The following WARS2 variants were observed in gnomAD, a reference collection of about 807,000 sequenced individuals.
The protein encoded by WARS2 is tryptophan--tRNA ligase, mitochondrial.
In WARS2, 28 loss-of-function variants were observed where a neutral mutation model predicts 36.5. The observed-to-expected ratio is 0.77, with a 90% CI of 0.57 to 1.05. The LOEUF is 1.05. WARS2 is among the 50% of genes least tolerant of loss of function. The pLI is 0.00. For missense variants in WARS2, 435 were observed against 456.8 expected, an observed-to-expected ratio of 0.95 and a Z score of 0.44; for synonymous variants, 174 against 178.4, an observed-to-expected ratio of 0.98 and a Z score of 0.20.
At chr1:119,069,303 A>T (rs1315379307) in intron 2 of WARS2, among the ~76,000 whole-genome samples, 1 of 152,198 alleles carries the variant, frequency 6.6e-6, no homozygotes, top group African/African-American at 2.4e-5. Context: ...GGAGGTGGGT[A>T]TAACTAATGT....
At chr1:119,058,308 T>TC (rs1425005829) in intron 2 of WARS2, among the ~76,000 whole-genome samples, 1 of 7,000 alleles carries the variant, frequency 1.4e-4, no homozygotes, top group Non-Finnish European at 3.9e-4. Flanking sequence ...TCCCTATTTC[T>TC]TTTTTTTTTT....
At chr1:119,084,271 G>T (rs900756109) in intron 1 of WARS2, among the ~76,000 whole-genome samples, 37 of 152,224 alleles carry the variant, frequency 2.4e-4, no homozygotes, top group African/African-American at 8.7e-4. Context: ...CTAGGGATGG[G>T]GAGGAGGGAG....
At chr1:119,041,431 T>G (rs1341166049) in intron 4 of WARS2, among the ~76,000 whole-genome samples, 1 of 152,128 alleles carries the variant, frequency 6.6e-6, no homozygotes, top group African/African-American at 2.4e-5. Flanking sequence ...CAGGTGTATA[T>G]TTTTGAGGAC....
intron 1 of WARS2, among the ~76,000 whole-genome samples, chr1:119,106,860 A>C (rs1170510867): frequency 6.6e-6 from 1 of 152,190 alleles, no homozygotes; most frequent in African/African-American, 2.4e-5. Context: ...GTAAGAGTAT[A>C]TTTAGTTTTG....
At chr1:119,077,032 G>A (rs769602882) in intron 1 of WARS2, among the ~76,000 whole-genome samples, 8 of 151,340 alleles carry the variant, frequency 5.3e-5, no homozygotes, top group Non-Finnish European at 7.4e-5. Context: ...CAGCTACTCC[G>A]GAGGCTGAGG....
Position 119,135,751 on chromosome 1 carries a change from TAGAG to T in WARS2, c.90+4800_90+4803del, listed in dbSNP as rs1553183294. Among the ~76,000 whole-genome samples, 112 of 109,278 alleles carry T rather than the reference TAGAG, an allele frequency of 1.0e-3. No homozygotes were observed. In the Middle Eastern group the frequency reaches 0.014, roughly 13 times the overall value. 71.7% of individuals were successfully genotyped at this position (109,278 alleles called of 152,430 possible). On this transcript the variant is annotated intron_variant, in intron 1 of 5. Coordinates refer to ENST00000235521, the MANE Select transcript of WARS2 (RefSeq NM_015836.4). ...ATAGATAGATAGATAGATAGATAGA[TAGAG>T]AGATAGAGAGAGAGAGAGAGATGGG...
chr1:119,119,657 G>A (rs1015558509), intron 1 of WARS2, among the ~76,000 whole-genome samples: 29 of 151,906 alleles, frequency 1.9e-4, no homozygotes, highest in Non-Finnish European at 3.5e-4. Flanking sequence ...CCATATGATA[G>A]ACCACAAAAC....
At chr1:119,045,499 G>C (rs1648718799) in intron 3 of WARS2, 83 bp downstream of exon 3, 4 of 1,178,472 alleles carry the variant, frequency 3.4e-6, no homozygotes, top group Non-Finnish European at 4.9e-6. Flanking sequence ...CCAGGGAGGA[G>C]AGTAAACTCA....
At chr1:119,082,688 C>T (rs1181633870) in intron 1 of WARS2, 1 of 153,000 alleles carries the variant, frequency 6.5e-6, no homozygotes. Flanking sequence ...GAAAGTGTAC[C>T]ATGGAGATGT....
intron 1 of WARS2, among the ~76,000 whole-genome samples, chr1:119,102,529 T>C (rs1653950232): frequency 1.3e-5 from 2 of 152,364 alleles, no homozygotes; most frequent in Admixed American, 1.3e-4. Flanking sequence ...AGAATATTTC[T>C]GCATCAGGTT....
rs1402877361 is a variant in WARS2 at position 119,033,089 on chromosome 1, T to C, written c.905A>G (p.Tyr302Cys). The change falls in exon 6 of 6, where the codon TAC becomes TGC. Residue 302 changes from tyrosine to cysteine, a missense_variant. By Grantham distance (194) the Tyr-to-Cys change is radical. Coordinates refer to ENST00000235521, the MANE Select transcript of WARS2 (RefSeq NM_015836.4). ...RRSAGMNTAR[Y>C]KLAVADAVIE... ...CACAGCATCTGCCACGGCCAGCTTG[T>C]AGCGAGCAGTGTTCATGCCCGCGCT... 1.9e-6 allele frequency: 3 copies of C among 1,614,130 alleles called. No individual in the cohort carries two copies. Among genetic ancestry groups the C allele is most frequent in the East Asian group, 2.2e-5 (1 of 44,896 alleles).
intron 1 of WARS2, chr1:119,139,605 T>A (rs4520456): frequency 0.49 from 74,920 of 152,064 alleles, 19,547 homozygotes; most frequent in African/African-American, 0.64. Flanking sequence ...GCTACCTTCC[T>A]GTCTAGCGCT....
At chr1:119,037,739 T>A (rs1340108537) in intron 4 of WARS2, among the ~76,000 whole-genome samples, 1 of 152,234 alleles carries the variant, frequency 6.6e-6, no homozygotes, top group Non-Finnish European at 1.5e-5. Context: ...TCTCAGTGAA[T>A]GGCAATGCTA....
chr1:119,140,356 G>C (rs769435723), intron 1 of WARS2, 199 bp downstream of exon 1: 2 of 425,670 alleles, frequency 4.7e-6, no homozygotes, highest in Non-Finnish European at 8.1e-6. Context: ...TTTCCACCAA[G>C]AAACCTTTAC....
chr1:119,042,213 C>T (rs1310634470), intron 4 of WARS2, 51 bp downstream of exon 4: 3 of 1,569,496 alleles, frequency 1.9e-6, no homozygotes, highest in East Asian at 4.5e-5. Context: ...GGTTAAAACA[C>T]TCTCTTGTCA....
intron 1 of WARS2, among the ~76,000 whole-genome samples, chr1:119,129,960 A>C (rs1197834661): frequency 6.6e-6 from 1 of 152,174 alleles, no homozygotes; most frequent in Non-Finnish European, 1.5e-5. Context: ...CTCTGCATTT[A>C]TCAAGGTGCA....
chr1:119,046,435 G>A (rs1191920098), intron 2 of WARS2, among the ~76,000 whole-genome samples: 1 of 149,280 alleles, frequency 6.7e-6, no homozygotes, highest in Non-Finnish European at 1.5e-5. Flanking sequence ...AGCAACCTCC[G>A]ACTCCCAGGT....
chr1:119,127,589 T>C lies in WARS2; in HGVS notation c.90+12966A>G, dbSNP rs140247993. Among the ~76,000 whole-genome samples, 202 of 152,312 alleles carry C rather than the reference T, an allele frequency of 1.3e-3. 2 individuals are homozygous for C. Among genetic ancestry groups the C allele is most frequent in the Non-Finnish European group, 7.2e-4 (49 of 68,034 alleles). ...AAGGAGACAAATTGCAGAACCCATATACAAACCCACTAACCTATACCATCT... is the reference window on the plus strand; with the variant it reads ...AAGGAGACAAATTGCAGAACCCATACACAAACCCACTAACCTATACCATCT... On this transcript the variant is annotated intron_variant, in intron 1 of 5. Coordinates refer to ENST00000235521, the MANE Select transcript of WARS2 (RefSeq NM_015836.4).
intron 1 of WARS2, among the ~76,000 whole-genome samples, chr1:119,110,612 G>A (rs1380025985): frequency 6.6e-6 from 1 of 151,338 alleles, no homozygotes; most frequent in East Asian, 1.9e-4. Flanking sequence ...TAGTTTTGGG[G>A]GTTTTATTTG....
Sources: gnomAD v4.1 joint callset for allele counts (sites outside exome capture counted in the v4.1 genomes callset) on GRCh38, gnomAD v4.1.1 for gene constraint, MANE v1.5 for transcripts, NCBI Gene and HGNC (gene_info 2026-07-23, HGNC 2026-07-21) for gene names.